Variants in PBX3 observed in about 807,000 individuals in gnomAD.
The protein encoded by PBX3 is PBX homeobox 3.
A neutral mutation model predicts 48.5 loss-of-function variants in PBX3; 14 were observed. That is an observed-to-expected ratio of 0.29 (90% confidence interval 0.19 to 0.45). The LOEUF (loss-of-function observed/expected upper bound fraction) is 0.45, where lower values mean the gene tolerates loss of function less well. Among genes scored for constraint, PBX3 ranks in the 20% least tolerant of loss-of-function variants. PBX3 has a pLI of 1.00. For missense variants in PBX3, 386 were observed against 546.7 expected (o/e 0.71, Z 2.93); for synonymous variants, 210 against 200.3 (o/e 1.05, Z -0.41).
At chr9:125,959,119 G>A (rs1842371752) in intron 5 of PBX3, among the ~76,000 whole-genome samples, 1 of 152,190 alleles carries the variant, frequency 6.6e-6, no homozygotes, top group African/African-American at 2.4e-5. Context: ...CCTTGAAATT[G>A]TTCACATTAA....
chr9:125,930,990 A>G (rs1010637949), intron 4 of PBX3, among the ~76,000 whole-genome samples: 14 of 152,112 alleles, frequency 9.2e-5, no homozygotes, highest in African/African-American at 3.4e-4. Context: ...TCTTTTTTCT[A>G]TTTTAAAAAT....
At chr9:125,769,875 CT>C (rs1393260795) in intron 2 of PBX3, among the ~76,000 whole-genome samples, 1 of 151,924 alleles carries the variant, frequency 6.6e-6, no homozygotes, top group Admixed American at 6.6e-5. Context: ...GATTCTTTGA[CT>C]TTTTTTTAAA....
intron 2 of PBX3, among the ~76,000 whole-genome samples, chr9:125,889,752 C>T (rs1233174399): frequency 8.6e-5 from 13 of 150,698 alleles, no homozygotes; most frequent in Non-Finnish European, 1.6e-4. Flanking sequence ...GGGGGCGCGC[C>T]GCGGCGGGGA....
chr9:125,878,270 GA>G (rs1381511717), intron 2 of PBX3, among the ~76,000 whole-genome samples: 2 of 152,230 alleles, frequency 1.3e-5, no homozygotes, highest in African/African-American at 2.4e-5. Context: ...TGACAGCTTG[GA>G]GGGGGGTAAG....
intron 2 of PBX3, among the ~76,000 whole-genome samples, chr9:125,847,318 G>T (rs1839451588): frequency 6.6e-6 from 1 of 151,792 alleles, no homozygotes. Flanking sequence ...GTTACTGAGG[G>T]GTCTAGTTTG....
chr9:125,781,852 G>A (rs1837328279), intron 2 of PBX3, among the ~76,000 whole-genome samples: 1 of 151,508 alleles, frequency 6.6e-6, no homozygotes, highest in South Asian at 2.1e-4. Flanking sequence ...TTACTTCTGA[G>A]CATTGCTTTT....
intron 2 of PBX3, among the ~76,000 whole-genome samples, chr9:125,793,793 T>G (rs964246266): frequency 1.3e-5 from 2 of 152,158 alleles, no homozygotes; most frequent in African/African-American, 4.8e-5. Flanking sequence ...AACATATCCA[T>G]CAGGCCTAAA....
At chr9:125,833,344 C>T (rs1333184817) in intron 2 of PBX3, among the ~76,000 whole-genome samples, 4 of 152,056 alleles carry the variant, frequency 2.6e-5, no homozygotes, top group Middle Eastern at 3.4e-3. Flanking sequence ...ATTAGCTGGG[C>T]GTGGTGGTGC....
In PBX3 at chr9:125,748,580, A is replaced by G. The variant is rs920845655; in HGVS notation, c.231A>G (p.Lys77=). Residue 77 remains lysine, a synonymous_variant, in exon 2 of 9, where the codon AAA becomes AAG. Coordinates refer to ENST00000373489, the MANE Select transcript of PBX3 (RefSeq NM_006195.6). ...ATGCCCTGAACTGTCACAGAATGAAACCAGCGCTCTTCAGCGTCCTGTGTG... is the reference window on the plus strand; with the variant it reads ...ATGCCCTGAACTGTCACAGAATGAAGCCAGCGCTCTTCAGCGTCCTGTGTG... ...KKHALNCHRM[K]PALFSVLCEI... is the part of the protein sequence containing the mutation. 5 of 1,613,850 alleles carry G rather than the reference A, an allele frequency of 3.1e-6. No homozygotes were observed. Among genetic ancestry groups the G allele is most frequent in the Non-Finnish European group, 3.4e-6 (4 of 1,179,932 alleles).
At chr9:125,780,643 T>C (rs1227946005) in intron 2 of PBX3, among the ~76,000 whole-genome samples, 2 of 120,164 alleles carry the variant, frequency 1.7e-5, no homozygotes, top group Admixed American at 8.3e-5. Context: ...GGCGGGGGGC[T>C]GACCCCCCCA....
intron 2 of PBX3, among the ~76,000 whole-genome samples, chr9:125,881,245 A>T (rs1334213520): frequency 6.6e-6 from 1 of 152,240 alleles, no homozygotes; most frequent in Non-Finnish European, 1.5e-5. Context: ...TTGGGAGTCC[A>T]TAAATGGAAA....
rs557772608 is a variant in PBX3 at position 125,843,695 on chromosome 9, C to T, written c.275-71991C>T. On this transcript the variant is annotated intron_variant, in intron 2 of 8. Transcript: ENST00000373489. ...CTTTTAAAAATAAGTAATGGAATTC[C>T]GTCTCTGTTATGCTTTTAGTAGTCA... is the stretch of plus-strand genomic sequence containing the variant. 5 of 374,800 alleles carry T rather than the reference C, an allele frequency of 1.3e-5. No individual in the cohort carries two copies. The East Asian group carries it at 4.5e-4, about 34-fold the overall frequency. 23.2% of individuals were successfully genotyped at this position (374,800 alleles called of 1,614,324 possible). A position where few individuals can be genotyped will look rare whatever the true frequency, so the allele number is the denominator to read the frequency against.
chr9:125,753,319 T>C (rs1012186732), intron 2 of PBX3, among the ~76,000 whole-genome samples: 1 of 152,062 alleles, frequency 6.6e-6, no homozygotes, highest in Admixed American at 6.5e-5. Flanking sequence ...ATTTGGTATC[T>C]TACTGGAGCT....
At chr9:125,780,866 C>T (rs1837270696) in intron 2 of PBX3, among the ~76,000 whole-genome samples, 1 of 149,644 alleles carries the variant, frequency 6.7e-6, no homozygotes, top group African/African-American at 2.5e-5. Flanking sequence ...AGAGGGACTC[C>T]TCACTTCTCA....
chr9:125,786,327 T>C (rs1837456068), intron 2 of PBX3, among the ~76,000 whole-genome samples: 1 of 152,112 alleles, frequency 6.6e-6, no homozygotes, highest in Admixed American at 6.5e-5. Flanking sequence ...CCACCATAGA[T>C]GAGTTCACAG....
At chr9:125,867,780 A>G (rs1840023423) in intron 2 of PBX3, among the ~76,000 whole-genome samples, 1 of 151,950 alleles carries the variant, frequency 6.6e-6, no homozygotes, top group African/African-American at 2.4e-5. Flanking sequence ...ACATATATAC[A>G]CACATATACA....
At chr9:125,757,809 A>G (rs1388949404) in intron 2 of PBX3, among the ~76,000 whole-genome samples, 1 of 152,216 alleles carries the variant, frequency 6.6e-6, no homozygotes, top group Admixed American at 6.5e-5. Flanking sequence ...AAATTATAGC[A>G]CAGGGCTGTC....
chr9:125,767,019 G>C (rs1282726846), intron 2 of PBX3, among the ~76,000 whole-genome samples: 2 of 152,138 alleles, frequency 1.3e-5, no homozygotes, highest in African/African-American at 2.4e-5. Flanking sequence ...TTGTTGAACT[G>C]TTTACTTCCT....
At chr9:125,788,636 G>A (rs1467772352) in intron 2 of PBX3, among the ~76,000 whole-genome samples, 1 of 152,046 alleles carries the variant, frequency 6.6e-6, no homozygotes, top group African/African-American at 2.4e-5. Context: ...ACTTTGGGAG[G>A]CCGAGCTGGG....
Sources: allele counts gnomAD v4.1 joint callset (sites outside exome capture counted in the v4.1 genomes callset), GRCh38; gene constraint gnomAD v4.1.1; transcripts MANE v1.5; gene names NCBI Gene and HGNC (gene_info 2026-07-23, HGNC 2026-07-21).